The following GABRG3 variants were observed in gnomAD, a reference collection of about 807,000 sequenced individuals.
GABRG3 encodes the protein gamma-aminobutyric acid receptor subunit gamma-3.
A neutral mutation model predicts 48.8 loss-of-function variants in GABRG3; 25 were observed. That is an observed-to-expected ratio of 0.51 (90% CI 0.37 to 0.72). The LOEUF (loss-of-function observed/expected upper bound fraction) is 0.72, where lower values mean the gene tolerates loss of function less well. Among genes scored for constraint, GABRG3 ranks in the 30% least tolerant of loss-of-function variants. GABRG3 has a pLI of 0.00. For synonymous variants in GABRG3, 227 were observed against 217.6 expected, an observed-to-expected ratio of 1.04 and a Z score of -0.38; for missense variants, 394 against 577.9, an observed-to-expected ratio of 0.68 and a Z score of 3.26.
chr15:27,202,712 A>G (rs962031218), intron 3 of GABRG3, among the ~76,000 whole-genome samples: 13 of 152,144 alleles, frequency 8.5e-5, no homozygotes, highest in African/African-American at 4.8e-5. Flanking sequence ...TCTTTCGTGA[A>G]TTGCCTATCA....
At chr15:27,429,437 C>T (rs1034617289) in intron 5 of GABRG3, among the ~76,000 whole-genome samples, 6 of 152,138 alleles carry the variant, frequency 3.9e-5, no homozygotes, top group Admixed American at 2.6e-4. Flanking sequence ...AGATATAATT[C>T]ACATGCCATA....
intron 3 of GABRG3, among the ~76,000 whole-genome samples, chr15:27,123,651 G>A (rs531933405): frequency 5.3e-5 from 8 of 152,326 alleles, no homozygotes; most frequent in African/African-American, 1.9e-4. Flanking sequence ...AAAATGATGG[G>A]TGCGTATGAC....
rs1056490556 is a variant in GABRG3, at chr15:27,193,459, A to C, written c.271-133350A>C. Among the ~76,000 whole-genome samples the C allele has an allele frequency of 5.0e-3, 763 of 151,944 alleles. 10 individuals are homozygous for C. Among genetic ancestry groups the C allele is most frequent in the African/African-American group, 0.017 (724 of 41,536 alleles). On this transcript the variant is annotated intron_variant, in intron 3 of 9. Coordinates refer to ENST00000615808, the MANE Select transcript of GABRG3 (RefSeq NM_033223.5). ...TCCCCCAGCCTCACTGCCGCCTTGC[A>C]GTTTGATCTCAGACTGCTGTGCTAG...
At position 27,429,878 on chromosome 15, in the gene GABRG3, G is replaced by A. The variant is rs560760728; in HGVS notation, c.575-50772G>A. Among the ~76,000 whole-genome samples, 140 of 152,288 alleles carry A rather than the reference G, an allele frequency of 9.2e-4. 1 individual carries two copies. The highest frequency in any genetic ancestry group is 3.3e-3 in the African/African-American group (138 of 41,552). On this transcript the variant is annotated intron_variant, in intron 5 of 9. Transcript: ENST00000615808. ...TTGGTCCTATAAATAATGTTGCTGTGAAAATTCATGTGCAGGTTTTGATTA... is the reference window on the plus strand; with the variant it reads ...TTGGTCCTATAAATAATGTTGCTGTAAAAATTCATGTGCAGGTTTTGATTA...
At chr15:27,397,416 C>T (rs1256079510) in intron 5 of GABRG3, among the ~76,000 whole-genome samples, 3 of 152,188 alleles carry the variant, frequency 2.0e-5, no homozygotes, top group South Asian at 2.1e-4. Flanking sequence ...CCAACTGCCT[C>T]TATGTGGCTT....
At chr15:27,470,525 T>G (rs61441911) in intron 5 of GABRG3, among the ~76,000 whole-genome samples, 1,740 of 151,388 alleles carry the variant, frequency 0.011, 46 homozygotes, top group African/African-American at 0.041. Flanking sequence ...GAGGGTGTAA[T>G]CCTTTTTTTT....
At chr15:27,410,662 G>C (rs1046964996) in intron 5 of GABRG3, among the ~76,000 whole-genome samples, 2 of 152,026 alleles carry the variant, frequency 1.3e-5, no homozygotes, top group South Asian at 4.1e-4. Flanking sequence ...AGTATTTCCC[G>C]TAGAGAAGGC....
At chr15:27,110,811 C>T (rs1897536481) in intron 3 of GABRG3, among the ~76,000 whole-genome samples, 1 of 152,114 alleles carries the variant, frequency 6.6e-6, no homozygotes, top group South Asian at 2.1e-4. Context: ...TGGCTTCTAT[C>T]AGGATATTCC....
At chr15:27,084,935 C>T (rs750929139) in intron 3 of GABRG3, among the ~76,000 whole-genome samples, 4 of 152,340 alleles carry the variant, frequency 2.6e-5, no homozygotes, top group Non-Finnish European at 5.9e-5. Flanking sequence ...TCTGTGTGAG[C>T]ACCAGCCCTA....
intron 3 of GABRG3, among the ~76,000 whole-genome samples, chr15:27,249,019 C>T (rs146766325): frequency 1.7e-3 from 263 of 152,074 alleles, no homozygotes; most frequent in African/African-American, 6.0e-3. Flanking sequence ...ACTGTTTGCC[C>T]CGAGGAGAAA....
chr15:27,449,359 A>C (rs1889040910), intron 5 of GABRG3, among the ~76,000 whole-genome samples: 1 of 152,180 alleles, frequency 6.6e-6, no homozygotes, highest in Admixed American at 6.5e-5. Context: ...AATCAGCAAG[A>C]GCCCAGCTCT....
intron 3 of GABRG3, among the ~76,000 whole-genome samples, chr15:27,172,945 C>T (rs760487611): frequency 4.5e-4 from 68 of 152,158 alleles, no homozygotes; most frequent in Non-Finnish European, 8.1e-4. Flanking sequence ...GGTCTGAGAA[C>T]AGCTACCCTG....
chr15:26,983,030 C>A (rs1285130932), intron 2 of GABRG3, among the ~76,000 whole-genome samples: 1 of 152,130 alleles, frequency 6.6e-6, no homozygotes, highest in East Asian at 1.9e-4. Flanking sequence ...AGTCACTACC[C>A]AAGAACAGCT....
chr15:27,395,947 A>G (rs893742426), intron 5 of GABRG3, among the ~76,000 whole-genome samples: 3 of 152,010 alleles, frequency 2.0e-5, no homozygotes, highest in Non-Finnish European at 2.9e-5. Context: ...TGCAGCCTCA[A>G]CCTCCCAAGC....
chr15:27,501,097 G>A (rs531666976), intron 6 of GABRG3, among the ~76,000 whole-genome samples: 43 of 151,892 alleles, frequency 2.8e-4, no homozygotes, highest in Admixed American at 1.6e-3. Context: ...GACTACAGGC[G>A]CCCGCCACCA....
At chr15:27,004,081 C>T (rs1362362997) in intron 2 of GABRG3, among the ~76,000 whole-genome samples, 11 of 146,702 alleles carry the variant, frequency 7.5e-5, no homozygotes, top group African/African-American at 1.3e-4. Context: ...GGGGGGCTGA[C>T]CCCCCTACCT....
At chr15:27,069,374 G>A (rs1413823684) in intron 3 of GABRG3, among the ~76,000 whole-genome samples, 1 of 152,228 alleles carries the variant, frequency 6.6e-6, no homozygotes, top group Non-Finnish European at 1.5e-5. Context: ...AAGCCTCTCT[G>A]TGTCTCCTGT....
At chr15:27,350,564 A>T (rs1894529517) in intron 5 of GABRG3, among the ~76,000 whole-genome samples, 1 of 152,132 alleles carries the variant, frequency 6.6e-6, no homozygotes, top group East Asian at 1.9e-4. Flanking sequence ...AGATGACCAG[A>T]TGTGTGTGGA....
chr15:27,252,201 G>A (rs919265614), intron 3 of GABRG3, among the ~76,000 whole-genome samples: 3 of 152,152 alleles, frequency 2.0e-5, no homozygotes, highest in Non-Finnish European at 4.4e-5. Flanking sequence ...GGGTGGCCGT[G>A]GGCTGGCCTG....
Sources: allele counts gnomAD v4.1 joint callset (sites outside exome capture counted in the v4.1 genomes callset), GRCh38; gene constraint gnomAD v4.1.1; transcripts MANE v1.5; gene names NCBI Gene and HGNC (gene_info 2026-07-23, HGNC 2026-07-21).